The following CWH43 variants were observed in gnomAD, a reference collection of about 807,000 sequenced individuals.
CWH43 encodes the protein PGAP2-interacting protein.
A neutral mutation model predicts 85.7 loss-of-function variants in CWH43; 91 were observed. The observed-to-expected ratio is 1.06, with a 90% CI of 0.90 to 1.26. CWH43 has a LOEUF of 1.26. CWH43 is among the 50% of genes most tolerant of loss of function. The probability of loss-of-function intolerance (pLI) is 0.00; values close to 1 mark genes in which losing one functional copy is unlikely to be tolerated. For missense variants in CWH43, 869 were observed against 839.2 expected, an observed-to-expected ratio of 1.04 and a Z score of -0.44; for synonymous variants, 323 against 293.6, an observed-to-expected ratio of 1.10 and a Z score of -1.02.
intron 13 of CWH43, among the ~76,000 whole-genome samples, chr4:49,042,142 G>A (rs1284511866): frequency 6.6e-6 from 1 of 152,182 alleles, no homozygotes; most frequent in Non-Finnish European, 1.5e-5. Context: ...CTCCATGCAG[G>A]ATCAGCTAGG....
intron 8 of CWH43, among the ~76,000 whole-genome samples, chr4:49,015,390 T>C (rs1325319722): frequency 6.6e-6 from 1 of 152,150 alleles, no homozygotes; most frequent in Non-Finnish European, 1.5e-5. Context: ...TTCTCCTGTC[T>C]TCTGCTGTTG....
chr4:49,009,491 G>C (rs1394024345), intron 8 of CWH43, among the ~76,000 whole-genome samples: 1 of 152,094 alleles, frequency 6.6e-6, no homozygotes, highest in Admixed American at 6.6e-5. Flanking sequence ...TGATTGCCCT[G>C]GCCAGAACTT....
chr4:49,058,612 C>A (rs1183643341), intron 15 of CWH43, among the ~76,000 whole-genome samples: 4 of 152,136 alleles, frequency 2.6e-5, no homozygotes, highest in Non-Finnish European at 5.9e-5. Flanking sequence ...TTCATTTCAA[C>A]TTGAAAAACT....
chr4:49,020,742 T>G (rs144402028), intron 9 of CWH43, among the ~76,000 whole-genome samples: 6,005 of 152,270 alleles, frequency 0.039, 167 homozygotes, highest in Middle Eastern at 0.062. Context: ...TTTTTGATTA[T>G]GGCCATTCTT....
chr4:48,994,557 A>C, intron 4 of CWH43, 62 bp from the exon 5 acceptor site: 4 of 1,405,622 alleles, frequency 2.8e-6, no homozygotes, highest in Non-Finnish European at 4.0e-6. Flanking sequence ...AAGTCTGCTA[A>C]ATATAGAGCG....
chr4:49,038,311 C>A, intron 13 of CWH43, 131 bp downstream of exon 13: 1 of 690,316 alleles, frequency 1.4e-6, no homozygotes, highest in Non-Finnish European at 2.4e-6. Context: ...AAAATCACCA[C>A]AAAACATGTG....
At chr4:49,034,236 CAGA>C (rs1238632990) in intron 12 of CWH43, among the ~76,000 whole-genome samples, 1 of 152,108 alleles carries the variant, frequency 6.6e-6, no homozygotes, top group Non-Finnish European at 1.5e-5. Flanking sequence ...TACAGGCATT[CAGA>C]AATCATTCCC....
intron 15 of CWH43, among the ~76,000 whole-genome samples, chr4:49,051,281 C>T (rs753176097): frequency 6.6e-6 from 1 of 152,146 alleles, no homozygotes; most frequent in Admixed American, 6.5e-5. Context: ...AGTAACTTCA[C>T]TGGGGTCACA....
At chr4:49,045,801 C>T (rs954253561) in intron 14 of CWH43, among the ~76,000 whole-genome samples, 1 of 151,990 alleles carries the variant, frequency 6.6e-6, no homozygotes, top group Non-Finnish European at 1.5e-5. Context: ...TATTCCAATA[C>T]TTGTATGTAT....
chr4:49,023,248 T>A lies in CWH43; in HGVS notation c.1267-5381T>A, dbSNP rs145106640. 3.1e-3 allele frequency among the ~76,000 whole-genome samples: 471 copies of A among 152,356 alleles called. 10 individuals are homozygous for A. Among genetic ancestry groups the A allele is most frequent in the Admixed American group, 0.023 (347 of 15,302 alleles). On this transcript the variant is annotated intron_variant, in intron 9 of 15. Coordinates refer to ENST00000226432, the MANE Select transcript of CWH43 (RefSeq NM_025087.3). ...TGATAGGTTGTGTCACTATTATCATTCAGTTCAAAGAATTTTTAAATTTCC... is the reference window on the plus strand; with the variant it reads ...TGATAGGTTGTGTCACTATTATCATACAGTTCAAAGAATTTTTAAATTTCC...
chr4:49,032,279 C>T (rs549235762), intron 11 of CWH43, among the ~76,000 whole-genome samples: 14 of 152,292 alleles, frequency 9.2e-5, no homozygotes, highest in African/African-American at 3.1e-4. Flanking sequence ...AGAGTAACTG[C>T]AAATACAATG....
chr4:49,015,824 A>G lies in CWH43; in HGVS notation c.1187-1425A>G, dbSNP rs76909245. Among the ~76,000 whole-genome samples, 435 of 152,256 alleles carry G rather than the reference A, an allele frequency of 2.9e-3. 3 individuals are homozygous for G. The highest frequency in any genetic ancestry group is 0.01 in the African/African-American group (423 of 41,568). Reference sequence around the variant, plus strand: ...GTTTCTAATTTCAATTATTATAATTATCTTTTTATTTCTAGAACTCTATTT... The same window carrying G: ...GTTTCTAATTTCAATTATTATAATTGTCTTTTTATTTCTAGAACTCTATTT... On this transcript the variant is annotated intron_variant, in intron 8 of 15. Transcript: ENST00000226432.
chr4:49,032,528 T>G (rs1216722489), intron 11 of CWH43, 38 bp from the exon 12 acceptor site: 8 of 1,611,514 alleles, frequency 5.0e-6, no homozygotes, highest in Non-Finnish European at 6.8e-6. Context: ...AGAATGGGAC[T>G]GACAATGATG....
chr4:49,032,932 A>G (rs1247554827), intron 12 of CWH43, among the ~76,000 whole-genome samples: 10 of 152,164 alleles, frequency 6.6e-5, no homozygotes, highest in Non-Finnish European at 1.2e-4. Flanking sequence ...GTCTGCATTT[A>G]CTGAGCTGTA....
intron 13 of CWH43, among the ~76,000 whole-genome samples, chr4:49,041,001 A>G (rs1242911245): frequency 3.9e-5 from 6 of 152,178 alleles, no homozygotes; most frequent in Admixed American, 3.3e-4. Flanking sequence ...TAAACAGGGA[A>G]TCCTTTCCCC....
chr4:48,988,006 A>G (rs1318995669), intron 1 of CWH43, among the ~76,000 whole-genome samples: 1 of 152,186 alleles, frequency 6.6e-6, no homozygotes, highest in African/African-American at 2.4e-5. Flanking sequence ...GATGGTCCAA[A>G]TGAATAGGAC....
At chr4:49,061,334 C>T (rs1282117909) in intron 15 of CWH43, among the ~76,000 whole-genome samples, 1 of 152,124 alleles carries the variant, frequency 6.6e-6, no homozygotes, top group Non-Finnish European at 1.5e-5. Context: ...ATGTGCAAGT[C>T]TTAGCTTTCT....
chr4:49,039,083 AAATAAATAAATAAAT>A lies in CWH43; in HGVS notation c.1803+918_1803+932del, dbSNP rs533662692. On this transcript the variant is annotated intron_variant, in intron 13 of 15. Transcript: ENST00000226432. ...AAAAAAATATATAAATAAATTAAAT[AAATAAATAAATAAAT>A]AATAAATAAATAAAAATTAAAAAAA... 2.5e-4 allele frequency among the ~76,000 whole-genome samples: 37 copies of A among 146,202 alleles called. No homozygotes were observed. The South Asian group carries it at 4.8e-3, about 19-fold the overall frequency.
intron 5 of CWH43, among the ~76,000 whole-genome samples, chr4:48,998,104 A>G (rs371372018): frequency 6.6e-6 from 1 of 152,224 alleles, no homozygotes; most frequent in South Asian, 2.1e-4. Context: ...AAAGAAAGAA[A>G]AAAAAGCAAA....
Sources: allele counts gnomAD v4.1 joint callset (sites outside exome capture counted in the v4.1 genomes callset), GRCh38; gene constraint gnomAD v4.1.1; transcripts MANE v1.5; gene names NCBI Gene and HGNC (gene_info 2026-07-23, HGNC 2026-07-21).